GPC5: variants seen among roughly 807,000 people sequenced by gnomAD.
The protein encoded by GPC5 is glypican-5.
In GPC5, 47 loss-of-function variants were observed where a neutral mutation model predicts 53.9. The ratio of observed to expected loss-of-function variants is 0.87; its 90% CI spans 0.69 to 1.11. The LOEUF is 1.11. Among genes scored for constraint, GPC5 ranks in the 50% most tolerant of loss-of-function variants. GPC5 has a pLI of 0.00. For synonymous variants in GPC5, 286 were observed against 263.3 expected (o/e 1.09, Z -0.84); for missense variants, 748 against 713.1 (o/e 1.05, Z -0.56).
intron 7 of GPC5, among the ~76,000 whole-genome samples, chr13:92,803,800 G>C (rs1255778845): frequency 1.3e-5 from 2 of 151,808 alleles, no homozygotes; most frequent in Admixed American, 6.6e-5. Flanking sequence ...GTATTATATG[G>C]CACAAGCTAA....
intron 1 of GPC5, among the ~76,000 whole-genome samples, chr13:91,432,207 GTGTGTGTGTGTGTGTGTGTGTGTGTGT>G (rs1879524448): frequency 8.2e-6 from 1 of 121,546 alleles, no homozygotes; most frequent in Non-Finnish European, 1.7e-5. Context: ...CTGCTGCTGT[GTGTGTGTGTGTGTGTGTGTGTGTGTGT>G]GTGTGTGTGT....
At chr13:92,587,651 A>C (rs1594325682) in intron 7 of GPC5, among the ~76,000 whole-genome samples, 1 of 152,174 alleles carries the variant, frequency 6.6e-6, no homozygotes, top group East Asian at 1.9e-4. Flanking sequence ...TTAATGTTTA[A>C]AATTATTGAG....
chr13:92,705,604 G>A (rs1473205723), intron 7 of GPC5, among the ~76,000 whole-genome samples: 1 of 151,984 alleles, frequency 6.6e-6, no homozygotes, highest in East Asian at 1.9e-4. Flanking sequence ...AATACATAAT[G>A]TCATAATTAA....
chr13:92,002,403 A>C (rs1385625438), intron 6 of GPC5, among the ~76,000 whole-genome samples: 1 of 152,214 alleles, frequency 6.6e-6, no homozygotes, highest in African/African-American at 2.4e-5. Context: ...TTTTACACCA[A>C]AACTGAGACA....
At chr13:92,633,737 T>G (rs776296513) in intron 7 of GPC5, among the ~76,000 whole-genome samples, 2 of 152,150 alleles carry the variant, frequency 1.3e-5, no homozygotes, top group African/African-American at 2.4e-5. Context: ...TTATGTTTTC[T>G]GCCATATTAA....
At chr13:91,840,839 C>T (rs1299139796) in intron 5 of GPC5, among the ~76,000 whole-genome samples, 6 of 151,170 alleles carry the variant, frequency 4.0e-5, no homozygotes, top group South Asian at 2.1e-4. Context: ...TCCTGAATTA[C>T]GGTTAACTAT....
chr13:91,999,402 T>C (rs954107460), intron 6 of GPC5, among the ~76,000 whole-genome samples: 5 of 152,160 alleles, frequency 3.3e-5, no homozygotes, highest in South Asian at 2.1e-4. Flanking sequence ...GATGGATAAA[T>C]AGAAATATGG....
intron 2 of GPC5, among the ~76,000 whole-genome samples, chr13:91,612,906 A>T (rs966365007): frequency 6.6e-6 from 1 of 152,166 alleles, no homozygotes; most frequent in Non-Finnish European, 1.5e-5. Context: ...AGGTGACCTG[A>T]ATAGGGGAAC....
chr13:92,592,110 T>G (rs571928259), intron 7 of GPC5, among the ~76,000 whole-genome samples: 1 of 152,320 alleles, frequency 6.6e-6, no homozygotes, highest in South Asian at 2.1e-4. Context: ...ATACACCAAG[T>G]GTGTAAAGAC....
intron 6 of GPC5, among the ~76,000 whole-genome samples, chr13:92,033,074 T>TGTGTGTGTGTGC (rs1491301836): frequency 1.9e-4 from 28 of 148,790 alleles, no homozygotes; most frequent in African/African-American, 6.9e-4. Context: ...TGTGTGTGTG[T>TGTGTGTGTGTGC]GCTTCTCATT....
At chr13:92,746,274 T>C (rs1422435543) in intron 7 of GPC5, among the ~76,000 whole-genome samples, 1 of 152,156 alleles carries the variant, frequency 6.6e-6, no homozygotes, top group Non-Finnish European at 1.5e-5. Context: ...AAATCATTTC[T>C]GGCTTCAGTC....
intron 6 of GPC5, among the ~76,000 whole-genome samples, chr13:91,930,742 T>C (rs1283887051): frequency 6.6e-6 from 1 of 152,044 alleles, no homozygotes; most frequent in Non-Finnish European, 1.5e-5. Flanking sequence ...CCCAAACTAA[T>C]CATTCTTTGA....
intron 7 of GPC5, among the ~76,000 whole-genome samples, chr13:92,789,588 T>C (rs1209235306): frequency 2.6e-5 from 4 of 152,142 alleles, no homozygotes; most frequent in African/African-American, 9.7e-5. Flanking sequence ...TTATTAAATA[T>C]ATATTTTTAC....
chr13:92,016,559 T>C (rs2040709034), intron 6 of GPC5, among the ~76,000 whole-genome samples: 1 of 152,218 alleles, frequency 6.6e-6, no homozygotes, highest in Admixed American at 6.5e-5. Context: ...CACATATTTA[T>C]GCACCTTTCT....
intron 7 of GPC5, among the ~76,000 whole-genome samples, chr13:92,282,191 T>C (rs1054432023): frequency 6.6e-6 from 1 of 152,046 alleles, no homozygotes; most frequent in Non-Finnish European, 1.5e-5. Context: ...AAGAGAAGTT[T>C]AGAGAAAAAA....
intron 7 of GPC5, among the ~76,000 whole-genome samples, chr13:92,632,897 G>GT (rs1391643252): frequency 6.6e-6 from 1 of 151,930 alleles, no homozygotes; most frequent in African/African-American, 2.4e-5. Context: ...TGTTTGTTTT[G>GT]TTTTGTTTTT....
chr13:91,512,665 A>G (rs1263462907), intron 2 of GPC5, among the ~76,000 whole-genome samples: 1 of 152,066 alleles, frequency 6.6e-6, no homozygotes, highest in Non-Finnish European at 1.5e-5. Flanking sequence ...CAGTATGGTA[A>G]TCTCTCATGA....
intron 7 of GPC5, among the ~76,000 whole-genome samples, chr13:92,394,294 G>A (rs1273325327): frequency 6.6e-6 from 1 of 152,082 alleles, no homozygotes; most frequent in African/African-American, 2.4e-5. Flanking sequence ...TATTGTTGTG[G>A]ACTGAATATT....
At chr13:92,744,011 T>C (rs1340115664) in intron 7 of GPC5, among the ~76,000 whole-genome samples, 1 of 151,944 alleles carries the variant, frequency 6.6e-6, no homozygotes, top group Non-Finnish European at 1.5e-5. Context: ...GTGAGTAAAA[T>C]GGTGGCAGCG....
Sources: gnomAD v4.1 joint callset for allele counts (sites outside exome capture counted in the v4.1 genomes callset) on GRCh38, gnomAD v4.1.1 for gene constraint, MANE v1.5 for transcripts, NCBI Gene and HGNC (gene_info 2026-07-23, HGNC 2026-07-21) for gene names.